The following CTPS2 variants were observed in gnomAD, a reference collection of about 807,000 sequenced individuals.
CTPS2 encodes the protein CTP synthase 2.
A neutral mutation model predicts 46.8 loss-of-function variants in CTPS2; 19 were observed. The observed-to-expected ratio is 0.41, with a 90% CI of 0.28 to 0.60. The LOEUF (loss-of-function observed/expected upper bound fraction) is 0.60, where lower values mean the gene tolerates loss of function less well. CTPS2 is among the 20% of genes least tolerant of loss of function. The pLI is 0.35. For missense variants in CTPS2, 286 were observed against 447.6 expected (o/e 0.64, Z 3.26); for synonymous variants, 151 against 165.2 (o/e 0.91, Z 0.66).
At chrX:16,645,116 G>A (rs925058445) in intron 13 of CTPS2, among the ~76,000 whole-genome samples, 1 of 110,661 alleles carries the variant, frequency 9.0e-6, no homozygotes, top group Non-Finnish European at 1.9e-5. Context: ...CTGAGTAGCT[G>A]GGACTACAGG....
intron 13 of CTPS2, among the ~76,000 whole-genome samples, chrX:16,663,270 C>T (rs926475915): frequency 9.0e-6 from 1 of 111,284 alleles, no homozygotes; most frequent in Non-Finnish European, 1.9e-5. Context: ...CTCAGCCTCC[C>T]GAGTAGCTAG....
intron 13 of CTPS2, among the ~76,000 whole-genome samples, chrX:16,651,536 G>T (rs1440427676): frequency 8.9e-6 from 1 of 112,221 alleles, no homozygotes; most frequent in Admixed American, 9.5e-5. Flanking sequence ...GGCTTCATTT[G>T]TGTATGTAAA....
intron 1 of CTPS2, among the ~76,000 whole-genome samples, chrX:16,706,871 A>C (rs1425623910): frequency 1.2e-4 from 13 of 107,401 alleles, no homozygotes; most frequent in African/African-American, 4.4e-4. Flanking sequence ...CAAAAAAAAA[A>C]CAAACAAACA....
At chrX:16,667,982 A>G (rs956563046) in intron 11 of CTPS2, among the ~76,000 whole-genome samples, 5 of 109,279 alleles carry the variant, frequency 4.6e-5, no homozygotes, top group African/African-American at 6.7e-5. Context: ...TGCAGGGTCA[A>G]CTGGGCGCAA....
intron 14 of CTPS2, among the ~76,000 whole-genome samples, chrX:16,636,926 T>A (rs186808122): frequency 0.016 from 1,797 of 109,917 alleles, 33 homozygotes; most frequent in African/African-American, 0.056. Flanking sequence ...CAAAAAAAAA[T>A]AAAAAATAAA....
At chrX:16,595,200 A>G (rs1929167561) in intron 17 of CTPS2, among the ~76,000 whole-genome samples, 1 of 110,137 alleles carries the variant, frequency 9.1e-6, no homozygotes, top group African/African-American at 3.3e-5. Flanking sequence ...CACGTTTCTC[A>G]CAGGGAAGAA....
chrX:16,618,572 T>C (rs145979681), intron 15 of CTPS2, among the ~76,000 whole-genome samples: 1 of 111,884 alleles, frequency 8.9e-6, no homozygotes, highest in Non-Finnish European at 1.9e-5. Context: ...CAGCAATGCA[T>C]GAAGGTTCCA....
At chrX:16,594,495 G>A (rs1238178807) in intron 17 of CTPS2, among the ~76,000 whole-genome samples, 2 of 111,880 alleles carry the variant, frequency 1.8e-5, no homozygotes, top group South Asian at 3.7e-4. Flanking sequence ...ATTGATAGGG[G>A]TTATATATTC....
At chrX:16,592,097 G>C (rs1928934189) in intron 17 of CTPS2, among the ~76,000 whole-genome samples, 1 of 108,762 alleles carries the variant, frequency 9.2e-6, no homozygotes, top group African/African-American at 3.4e-5. Flanking sequence ...TTAAGAAATG[G>C]GGCTGGAGTG....
chrX:16,638,127 C>T (rs1484109117), intron 14 of CTPS2, among the ~76,000 whole-genome samples: 1 of 109,440 alleles, frequency 9.1e-6, no homozygotes, highest in South Asian at 4.0e-4. Flanking sequence ...CGGTGGTAGG[C>T]GCCTGTAGTC....
chrX:16,703,102 T>A (rs1376775228), intron 1 of CTPS2, among the ~76,000 whole-genome samples, 161 bp from the exon 2 acceptor site: 3 of 104,820 alleles, frequency 2.9e-5, no homozygotes, highest in African/African-American at 1.1e-4. Context: ...CATGGCTCAC[T>A]GTAACCTCTG....
At chrX:16,680,144 A>T (rs899019825) in intron 9 of CTPS2, among the ~76,000 whole-genome samples, 1 of 111,828 alleles carries the variant, frequency 8.9e-6, no homozygotes, top group Non-Finnish European at 1.9e-5. Flanking sequence ...GCCAGGATTC[A>T]AACAGTACTT....
At chrX:16,590,356 A>G (rs1410089532) in intron 18 of CTPS2, among the ~76,000 whole-genome samples, 1 of 111,823 alleles carries the variant, frequency 8.9e-6, no homozygotes, top group Non-Finnish European at 1.9e-5. Context: ...GTTCACTTAC[A>G]TATTGTCTAT....
intron 17 of CTPS2, among the ~76,000 whole-genome samples, 169 bp downstream of exon 17, chrX:16,609,372 C>T (rs181292555): frequency 6.1e-4 from 68 of 111,763 alleles, no homozygotes; most frequent in African/African-American, 2.0e-3. Flanking sequence ...ACATTACTAC[C>T]GTAGGTGTGA....
intron 16 of CTPS2, among the ~76,000 whole-genome samples, chrX:16,612,176 A>G (rs1402250686): frequency 3.6e-5 from 4 of 112,432 alleles, no homozygotes; most frequent in African/African-American, 9.7e-5. Context: ...AGATAAAATT[A>G]TCTTTAAAAT....
Position 16,689,397 on chromosome X carries a change from A to G in CTPS2, c.872+53T>C, listed in dbSNP as rs188773062. ...ACCCTTTCAAGTAGGTCTTAGTTCT[A>G]CCCCCAAACTCAAAAATTATTAAAG... is the stretch of plus-strand genomic sequence containing the variant. On this transcript the variant is annotated intron_variant, in intron 8 of 18. Coordinates refer to ENST00000359276, the MANE Select transcript of CTPS2 (RefSeq NM_175859.3). 6.2e-5 allele frequency: 71 copies of G among 1,153,070 alleles called. No homozygotes were observed. The African/African-American group carries it at 1.1e-3, about 18-fold the overall frequency.
chrX:16,689,922 T>A (rs1392884170), intron 7 of CTPS2, among the ~76,000 whole-genome samples: 1 of 106,042 alleles, frequency 9.4e-6, no homozygotes, highest in Non-Finnish European at 1.9e-5. Context: ...CATGGTGACA[T>A]GTGCCTATAA....
intron 14 of CTPS2, among the ~76,000 whole-genome samples, chrX:16,637,241 AAAAAC>A (rs748382229): frequency 8.6e-4 from 96 of 111,092 alleles, no homozygotes; most frequent in Non-Finnish European, 1.6e-3. Flanking sequence ...CAGCACTAAG[AAAAAC>A]AAATCTTTTT....
chrX:16,595,308 TTTAA>T (rs1238519023), intron 17 of CTPS2, among the ~76,000 whole-genome samples: 1 of 111,309 alleles, frequency 9.0e-6, no homozygotes, highest in African/African-American at 3.3e-5. Context: ...AGAGGAAATT[TTTAA>T]TTAATTTATT....
Sources: gnomAD v4.1 joint callset for allele counts (sites outside exome capture counted in the v4.1 genomes callset) on GRCh38, gnomAD v4.1.1 for gene constraint, MANE v1.5 for transcripts, NCBI Gene and HGNC (gene_info 2026-07-23, HGNC 2026-07-21) for gene names.